The following BTBD9 variants were observed in gnomAD, a reference collection of about 807,000 sequenced individuals.
BTBD9 encodes the protein BTB/POZ domain-containing protein 9.
In BTBD9, 49 loss-of-function variants were observed where a neutral mutation model predicts 64.3. The observed-to-expected ratio is 0.76, with a 90% confidence interval of 0.61 to 0.97. The LOEUF (loss-of-function observed/expected upper bound fraction) is 0.97. Among genes scored for constraint, BTBD9 ranks in the 50% least tolerant of loss-of-function variants. BTBD9 has a pLI of 0.00. For missense variants in BTBD9, 598 were observed against 762.1 expected, an observed-to-expected ratio of 0.78 and a Z score of 2.53; for synonymous variants, 260 against 274.7, an observed-to-expected ratio of 0.95 and a Z score of 0.53.
chr6:38,405,459 A>G (rs1039530337), intron 6 of BTBD9, among the ~76,000 whole-genome samples: 16 of 152,230 alleles, frequency 1.1e-4, no homozygotes, highest in Non-Finnish European at 2.1e-4. Flanking sequence ...ACTCTGCATC[A>G]GCACATAAAA....
chr6:38,628,546 G>A (rs1176030971), intron 1 of BTBD9, among the ~76,000 whole-genome samples: 6 of 152,160 alleles, frequency 3.9e-5, no homozygotes, highest in African/African-American at 1.2e-4. Flanking sequence ...AACACGAAAA[G>A]GGGAATGGGT....
chr6:38,351,379 A>G (rs1267878186), intron 6 of BTBD9, among the ~76,000 whole-genome samples: 1 of 152,228 alleles, frequency 6.6e-6, no homozygotes, highest in East Asian at 1.9e-4. Context: ...AACAAAACAG[A>G]AAGTCTTGTT....
At chr6:38,458,097 G>A (rs1401878377) in intron 6 of BTBD9, among the ~76,000 whole-genome samples, 1 of 152,040 alleles carries the variant, frequency 6.6e-6, no homozygotes, top group African/African-American at 2.4e-5. Flanking sequence ...AGTCTCTCAA[G>A]CAAAAAGGAG....
intron 1 of BTBD9, among the ~76,000 whole-genome samples, chr6:38,614,070 G>A (rs1171623285): frequency 6.6e-6 from 1 of 152,192 alleles, no homozygotes; most frequent in Non-Finnish European, 1.5e-5. Context: ...GGGATATGGA[G>A]CTGCTGGCTC....
At chr6:38,556,012 T>C (rs998041898) in intron 6 of BTBD9, among the ~76,000 whole-genome samples, 1 of 152,204 alleles carries the variant, frequency 6.6e-6, no homozygotes, top group Non-Finnish European at 1.5e-5. Context: ...GGACAGTTCA[T>C]TAGTGAACAT....
chr6:38,255,926 G>T (rs9470841), intron 9 of BTBD9, among the ~76,000 whole-genome samples: 3 of 151,988 alleles, frequency 2.0e-5, no homozygotes, highest in African/African-American at 7.3e-5. Flanking sequence ...CGTGGGGTTG[G>T]GGGGGTAGGA....
chr6:38,193,131 T>C (rs545252410), intron 9 of BTBD9, among the ~76,000 whole-genome samples: 3 of 152,152 alleles, frequency 2.0e-5, no homozygotes, highest in East Asian at 3.9e-4. Context: ...TCCCCATCTA[T>C]AAAATGGGGC....
At chr6:38,558,906 G>A (rs1312340788) in intron 6 of BTBD9, among the ~76,000 whole-genome samples, 1 of 152,114 alleles carries the variant, frequency 6.6e-6, no homozygotes, top group African/African-American at 2.4e-5. Context: ...AATGAGGTAG[G>A]GAGAAGTCTC....
intron 1 of BTBD9, among the ~76,000 whole-genome samples, chr6:38,599,602 GAT>G (rs1390901564): frequency 6.6e-6 from 1 of 152,238 alleles, no homozygotes; most frequent in Non-Finnish European, 1.5e-5. Context: ...AATTGAGACA[GAT>G]ATGTTATCTC....
intron 10 of BTBD9, among the ~76,000 whole-genome samples, chr6:38,183,550 A>C (rs9462402): frequency 0.015 from 2,231 of 152,268 alleles, 53 homozygotes; most frequent in African/African-American, 0.05. Flanking sequence ...TGGTTCATGG[A>C]ACCAGCTTCT....
intron 9 of BTBD9, among the ~76,000 whole-genome samples, chr6:38,225,622 TAA>T (rs1763368196): frequency 6.6e-6 from 1 of 152,232 alleles, no homozygotes; most frequent in South Asian, 2.1e-4. Context: ...TGGAAAAACT[TAA>T]GTTATAAATA....
At chr6:38,442,637 A>G (rs1457080251) in intron 6 of BTBD9, among the ~76,000 whole-genome samples, 2 of 149,560 alleles carry the variant, frequency 1.3e-5, no homozygotes, top group Non-Finnish European at 1.5e-5. Flanking sequence ...GTTGGAGGTC[A>G]TATAGAACAG....
chr6:38,374,168 C>A (rs1207219750), intron 6 of BTBD9, among the ~76,000 whole-genome samples: 1 of 149,270 alleles, frequency 6.7e-6, no homozygotes, highest in Non-Finnish European at 1.5e-5. Flanking sequence ...ACTTGGGAGG[C>A]TGAGGCAGGA....
At chr6:38,419,715 A>G (rs149280879) in intron 6 of BTBD9, among the ~76,000 whole-genome samples, 54 of 152,244 alleles carry the variant, frequency 3.5e-4, no homozygotes, top group African/African-American at 1.2e-3. Context: ...TACTAAAAAT[A>G]CAAAATTAGC....
intron 9 of BTBD9, among the ~76,000 whole-genome samples, chr6:38,209,514 GT>G (rs1332169758): frequency 6.6e-6 from 1 of 152,190 alleles, no homozygotes; most frequent in African/African-American, 2.4e-5. Flanking sequence ...AGCTGGACCG[GT>G]GGGTCTTAAC....
chr6:38,406,615 C>T (rs551287500), intron 6 of BTBD9, among the ~76,000 whole-genome samples: 39 of 152,286 alleles, frequency 2.6e-4, no homozygotes, highest in African/African-American at 8.7e-4. Flanking sequence ...AAAGACTAGT[C>T]CTGGATATGC....
At chr6:38,504,522 A>G (rs779767646) in intron 6 of BTBD9, 2 of 456,620 alleles carry the variant, frequency 4.4e-6, no homozygotes, top group Non-Finnish European at 8.8e-6. Context: ...TGTCACTGTC[A>G]GTTAGATCCC....
intron 10 of BTBD9, among the ~76,000 whole-genome samples, chr6:38,182,079 T>C (rs1251412902): frequency 6.6e-6 from 1 of 152,172 alleles, no homozygotes; most frequent in Non-Finnish European, 1.5e-5. Flanking sequence ...AAATTTTCAG[T>C]ATTGCTTAGG....
At chr6:38,372,553 T>G (rs1765468739) in intron 6 of BTBD9, among the ~76,000 whole-genome samples, 1 of 152,230 alleles carries the variant, frequency 6.6e-6, no homozygotes, top group Admixed American at 6.5e-5. Context: ...TAAAACTCTT[T>G]TCATCCATAT....
Sources: gnomAD v4.1 joint callset for allele counts (sites outside exome capture counted in the v4.1 genomes callset) on GRCh38, gnomAD v4.1.1 for gene constraint, MANE v1.5 for transcripts, NCBI Gene and HGNC (gene_info 2026-07-23, HGNC 2026-07-21) for gene names.